The following CCSER1 variants were observed in gnomAD, a reference collection of about 807,000 sequenced individuals.
CCSER1 encodes coiled-coil serine rich protein 1.
In CCSER1, 41 loss-of-function variants were observed where a neutral mutation model predicts 82.0. The observed-to-expected ratio is 0.50, with a 90% CI of 0.39 to 0.65. The LOEUF is 0.65. CCSER1 is among the 30% of genes least tolerant of loss of function. The pLI is 0.00. For missense variants in CCSER1, 1,119 were observed against 1,064.2 expected (o/e 1.05, Z -0.72); for synonymous variants, 414 against 383.9 (o/e 1.08, Z -0.92).
At chr4:90,386,783 T>G (rs553819779) in intron 3 of CCSER1, among the ~76,000 whole-genome samples, 105 of 152,224 alleles carry the variant, frequency 6.9e-4, no homozygotes, top group Non-Finnish European at 1.3e-3. Flanking sequence ...TGGGAATCTT[T>G]TTCCTTCTGA....
intron 9 of CCSER1, among the ~76,000 whole-genome samples, chr4:91,052,131 C>T (rs1743060484): frequency 6.6e-6 from 1 of 151,940 alleles, no homozygotes; most frequent in Non-Finnish European, 1.5e-5. Context: ...GCCTTTTTTA[C>T]ATACATTGAA....
chr4:90,643,919 T>C (rs1727028462), intron 6 of CCSER1, among the ~76,000 whole-genome samples: 4 of 152,180 alleles, frequency 2.6e-5, no homozygotes. Context: ...AAAAAGTTTT[T>C]TTTAATTTTA....
chr4:91,247,303 A>G (rs1739877197), intron 10 of CCSER1, among the ~76,000 whole-genome samples: 3 of 50,746 alleles, frequency 5.9e-5, no homozygotes, highest in South Asian at 1.3e-3. Context: ...CTCCGTCTCA[A>G]AAAAAAAAAA....
At chr4:91,070,893 G>T (rs1721363029) in intron 9 of CCSER1, among the ~76,000 whole-genome samples, 1 of 152,102 alleles carries the variant, frequency 6.6e-6, no homozygotes, top group Admixed American at 6.6e-5. Context: ...AGAAAAACAT[G>T]ATGGCACACT....
intron 3 of CCSER1, among the ~76,000 whole-genome samples, chr4:90,368,101 CAA>C (rs1226597725): frequency 6.6e-6 from 1 of 151,722 alleles, no homozygotes; most frequent in African/African-American, 2.4e-5. Context: ...CAGACTTCTA[CAA>C]AAGAACACTC....
In CCSER1 at chr4:91,139,596, A is replaced by C. The variant is rs567059587; in HGVS notation, c.2217+53602A>C. 1.1e-3 allele frequency among the ~76,000 whole-genome samples: 166 copies of C among 152,324 alleles called. 2 individuals are homozygous for C. Among genetic ancestry groups the C allele is most frequent in the African/African-American group, 3.7e-3 (155 of 41,588 alleles). On this transcript the variant is annotated intron_variant, in intron 10 of 10. Coordinates refer to ENST00000509176, the MANE Select transcript of CCSER1 (RefSeq NM_001145065.2). ...GAACTTTGCAGGAATAGAGTGTTGG[A>C]GTCCTGAAGTGTTCTGATTAATAAA... is the stretch of plus-strand genomic sequence containing the variant.
chr4:91,305,534 T>TC (rs1744990094), intron 10 of CCSER1, among the ~76,000 whole-genome samples: 1 of 152,108 alleles, frequency 6.6e-6, no homozygotes, highest in African/African-American at 2.4e-5. Flanking sequence ...GGACATTGTG[T>TC]AAAATACTTC....
intron 10 of CCSER1, among the ~76,000 whole-genome samples, chr4:91,162,315 C>A (rs764074255): frequency 1.4e-4 from 22 of 152,194 alleles, no homozygotes; most frequent in Non-Finnish European, 2.6e-4. Flanking sequence ...TTTAGATGTG[C>A]TGCCTGATTC....
intron 3 of CCSER1, among the ~76,000 whole-genome samples, chr4:90,337,241 AGTCT>A (rs1041237517): frequency 1.3e-5 from 2 of 152,234 alleles, no homozygotes; most frequent in African/African-American, 2.4e-5. Flanking sequence ...GACTGAGATG[AGTCT>A]TCATATTTGC....
At chr4:90,959,476 A>C (rs573256341) in intron 9 of CCSER1, among the ~76,000 whole-genome samples, 1 of 152,298 alleles carries the variant, frequency 6.6e-6, no homozygotes, top group East Asian at 1.9e-4. Flanking sequence ...CCAAACCATT[A>C]GTAAGTGGCA....
At chr4:90,202,660 G>A (rs1737987982) in intron 1 of CCSER1, among the ~76,000 whole-genome samples, 1 of 152,188 alleles carries the variant, frequency 6.6e-6, no homozygotes, top group African/African-American at 2.4e-5. Context: ...ATTTTCAGAA[G>A]TCTGTGTAAG....
intron 7 of CCSER1, among the ~76,000 whole-genome samples, chr4:90,794,564 G>A (rs1755722273): frequency 6.6e-6 from 1 of 152,154 alleles, no homozygotes. Context: ...GGTTACTGTA[G>A]CCTGTATCAT....
At chr4:90,872,992 A>C (rs528732920) in intron 8 of CCSER1, among the ~76,000 whole-genome samples, 1 of 152,058 alleles carries the variant, frequency 6.6e-6, no homozygotes, top group South Asian at 2.1e-4. Context: ...TGCTGCTTTT[A>C]GGACCTCTTT....
intron 4 of CCSER1, among the ~76,000 whole-genome samples, chr4:90,427,453 T>A (rs1757681439): frequency 6.6e-6 from 1 of 151,124 alleles, no homozygotes; most frequent in Non-Finnish European, 1.5e-5. Flanking sequence ...AATTAATAAA[T>A]ATTATAAATA....
intron 9 of CCSER1, among the ~76,000 whole-genome samples, chr4:91,068,174 G>A (rs1412393100): frequency 1.3e-5 from 2 of 152,144 alleles, no homozygotes; most frequent in African/African-American, 4.8e-5. Context: ...TCTTCTCAAT[G>A]TTCATGGATT....
chr4:90,279,415 T>C (rs1355061415), intron 1 of CCSER1, among the ~76,000 whole-genome samples: 1 of 152,036 alleles, frequency 6.6e-6, no homozygotes, highest in Admixed American at 6.6e-5. Context: ...AAATTTATTA[T>C]ATTCTGAAAG....
intron 9 of CCSER1, among the ~76,000 whole-genome samples, chr4:90,982,186 A>G (rs906147365): frequency 1.8e-4 from 27 of 151,820 alleles, no homozygotes; most frequent in African/African-American, 5.8e-4. Context: ...GCAGACTGGT[A>G]TCTGGTGAGG....
chr4:90,758,180 G>A (rs1044823621), intron 7 of CCSER1, among the ~76,000 whole-genome samples: 4 of 152,012 alleles, frequency 2.6e-5, no homozygotes, highest in South Asian at 2.1e-4. Context: ...CAGGTGATCC[G>A]CCTGCGTCGG....
intron 9 of CCSER1, among the ~76,000 whole-genome samples, chr4:91,073,257 T>G (rs1561523285): frequency 6.6e-6 from 1 of 152,132 alleles, no homozygotes; most frequent in Non-Finnish European, 1.5e-5. Context: ...TTCAAACATG[T>G]GCTTTAGAAA....
Sources: allele counts gnomAD v4.1 joint callset (sites outside exome capture counted in the v4.1 genomes callset), GRCh38; gene constraint gnomAD v4.1.1; transcripts MANE v1.5; gene names NCBI Gene and HGNC (gene_info 2026-07-23, HGNC 2026-07-21).